MAPK10: variants seen among roughly 807,000 people sequenced by gnomAD.
The protein encoded by MAPK10 is mitogen-activated protein kinase 10.
A neutral mutation model predicts 59.3 loss-of-function variants in MAPK10; 25 were observed. The observed-to-expected ratio is 0.42, with a 90% CI of 0.31 to 0.59. The LOEUF is 0.59. Ranked by LOEUF, MAPK10 falls within the 20% of genes least tolerant of loss-of-function variation. The pLI, the probability that MAPK10 is intolerant of heterozygous loss-of-function variation, is 0.15. For synonymous variants in MAPK10, 190 were observed against 200.5 expected (o/e 0.95, Z 0.44); for missense variants, 351 against 568.9 (o/e 0.62, Z 3.90).
At chr4:86,247,679 C>A (rs2093185982) in intron 2 of MAPK10, among the ~76,000 whole-genome samples, 1 of 151,960 alleles carries the variant, frequency 6.6e-6, no homozygotes, top group African/African-American at 2.4e-5. Context: ...TGTAGGTGAT[C>A]TGACAATACA....
chr4:86,286,910 A>G (rs570906247), intron 2 of MAPK10, among the ~76,000 whole-genome samples: 2 of 152,318 alleles, frequency 1.3e-5, no homozygotes, highest in Admixed American at 6.5e-5. Context: ...AGGGATTTTG[A>G]AAACTGGTAG....
chr4:86,362,510 A>G (rs557583801), upstream of MAPK10, among the ~76,000 whole-genome samples: 2 of 152,158 alleles, frequency 1.3e-5, no homozygotes, highest in East Asian at 3.9e-4. Flanking sequence ...TCTAGATGAT[A>G]CATATATCTG....
chr4:86,128,327 G>T (rs1422582027), intron 4 of MAPK10, among the ~76,000 whole-genome samples: 1 of 152,034 alleles, frequency 6.6e-6, no homozygotes, highest in East Asian at 1.9e-4. Context: ...ATCTTGAATT[G>T]TAGTTCCCAT....
At chr4:86,313,100 T>C (rs1022736428) in intron 2 of MAPK10, among the ~76,000 whole-genome samples, 1 of 152,078 alleles carries the variant, frequency 6.6e-6, no homozygotes, top group South Asian at 2.1e-4. Flanking sequence ...CACACATAGA[T>C]AGATAGATAG....
chr4:86,507,480 A>G lies in MAPK10; in HGVS notation c.-263+86430T>C, dbSNP rs1755824552. Among the ~76,000 whole-genome samples the G allele has an allele frequency of 1.3e-5, 2 of 151,186 alleles. 1 individual carries two copies. The highest frequency in any genetic ancestry group is 4.2e-4 in the South Asian group (2 of 4,798). The stretch of plus-strand genomic sequence containing the variant: ...TGGCCTAGTGATTCCACTTCTCAGT[A>G]TCTCGCCTAGAGAAATACCCATGTG... On this transcript the variant is annotated intron_variant, in intron 1 of 4. Transcript: ENST00000502302.
At chr4:86,415,291 T>C (rs1745724693) in intron 1 of MAPK10, among the ~76,000 whole-genome samples, 1 of 152,188 alleles carries the variant, frequency 6.6e-6, no homozygotes, top group African/African-American at 2.4e-5. Flanking sequence ...CGATCCATAT[T>C]GTCAGTGATA....
At chr4:86,226,267 C>A (rs564227244) in intron 2 of MAPK10, among the ~76,000 whole-genome samples, 1 of 152,174 alleles carries the variant, frequency 6.6e-6, no homozygotes, top group Middle Eastern at 3.2e-3. Flanking sequence ...TCTGAACTGT[C>A]ACTTGGGTAT....
chr4:86,547,348 C>T (rs1436961893), intron 1 of MAPK10, among the ~76,000 whole-genome samples: 4 of 152,346 alleles, frequency 2.6e-5, no homozygotes, highest in African/African-American at 9.6e-5. Flanking sequence ...ACCAGGACTG[C>T]GCGAGTTCCG....
chr4:86,476,938 G>A (rs1753139877), intron 1 of MAPK10, among the ~76,000 whole-genome samples: 1 of 152,120 alleles, frequency 6.6e-6, no homozygotes. Context: ...TCTCATCTGT[G>A]CGGGACCCCA....
chr4:86,494,056 T>G (rs1314106573), intron 1 of MAPK10, among the ~76,000 whole-genome samples: 1 of 152,172 alleles, frequency 6.6e-6, no homozygotes, highest in Non-Finnish European at 1.5e-5. Flanking sequence ...AGTTTAGGCA[T>G]TGGGATATCA....
chr4:86,548,981 G>A lies in MAPK10; in HGVS notation c.-263+44929C>T, dbSNP rs138428728. ...TTATGATTTAGTGATTCCCATTCTA[G>A]AGCAAAATGAAAATATTACTGATAA... On this transcript the variant is annotated intron_variant, in intron 1 of 4. Coordinates refer to the MAPK10 transcript ENST00000502302. Among the ~76,000 whole-genome samples, 3 of 152,048 alleles carry A rather than the reference G, an allele frequency of 2.0e-5. No individual in the cohort carries two copies. In the South Asian group the frequency reaches 6.2e-4, roughly 32 times the overall value.
At chr4:86,308,276 G>C (rs1359407857) in intron 2 of MAPK10, among the ~76,000 whole-genome samples, 1 of 152,100 alleles carries the variant, frequency 6.6e-6, no homozygotes, top group Non-Finnish European at 1.5e-5. Context: ...AGCTTCCAAA[G>C]GGGTGGGAGA....
At chr4:86,031,608 AT>A in intron 11 of MAPK10, 177 bp from the exon 12 acceptor site, 2 of 531,270 alleles carry the variant, frequency 3.8e-6, no homozygotes, top group South Asian at 5.6e-5. Context: ...TGGAGGATTC[AT>A]TCATATTGCA....
At chr4:86,510,045 T>C (rs1233212238) in intron 1 of MAPK10, among the ~76,000 whole-genome samples, 2 of 152,188 alleles carry the variant, frequency 1.3e-5, no homozygotes, top group African/African-American at 2.4e-5. Context: ...ATAAAATATA[T>C]AGTAATTAAT....
chr4:86,150,747 A>G (rs1420371832), intron 4 of MAPK10, among the ~76,000 whole-genome samples: 2 of 152,228 alleles, frequency 1.3e-5, no homozygotes, highest in African/African-American at 4.8e-5. Context: ...CTGTAGTCCC[A>G]GCTACTCAGT....
intron 2 of MAPK10, among the ~76,000 whole-genome samples, chr4:86,256,256 G>A (rs2093702113): frequency 1.3e-5 from 2 of 152,198 alleles, no homozygotes; most frequent in East Asian, 1.9e-4. Flanking sequence ...CATGATGAAT[G>A]TGTCAGTAGC....
chr4:86,494,077 G>A (rs1035036210), intron 1 of MAPK10, among the ~76,000 whole-genome samples: 2 of 152,310 alleles, frequency 1.3e-5, no homozygotes, highest in African/African-American at 4.8e-5. Flanking sequence ...TCTGTCAGTA[G>A]ATGGAACTTG....
chr4:86,139,378 G>A lies in MAPK10; in HGVS notation c.236+19920C>T, dbSNP rs1282606422. 3.3e-3 allele frequency among the ~76,000 whole-genome samples: 503 copies of A among 150,690 alleles called. 3 individuals are homozygous for A. The highest frequency in any genetic ancestry group is 5.1e-3 in the Admixed American group (77 of 15,174). On this transcript the variant is annotated intron_variant, in intron 4 of 13. Coordinates refer to ENST00000641462, the MANE Select transcript of MAPK10 (RefSeq NM_138982.4). ...GAACAGAGCCCTCAGAAATAACGCC[G>A]CATATCTACAACTATCTGATCTTTG... is the stretch of plus-strand genomic sequence containing the variant.
chr4:86,363,301 A>G (rs1283938741), upstream of MAPK10, among the ~76,000 whole-genome samples: 1 of 152,188 alleles, frequency 6.6e-6, no homozygotes, highest in Non-Finnish European at 1.5e-5. Context: ...GCCATTTTAT[A>G]TAAGGGACTT....
Sources: allele counts gnomAD v4.1 joint callset (sites outside exome capture counted in the v4.1 genomes callset), GRCh38; gene constraint gnomAD v4.1.1; transcripts MANE v1.5; gene names NCBI Gene and HGNC (gene_info 2026-07-23, HGNC 2026-07-21).